RAD23B: variants seen among roughly 807,000 people sequenced by gnomAD.
The protein encoded by RAD23B is lysine-specific demethylase RAD23B.
RAD23B carries 5 observed loss-of-function variants against 49.1 expected under a neutral mutation model. The ratio of observed to expected loss-of-function variants is 0.10; its 90% CI spans 0.05 to 0.21. The LOEUF (loss-of-function observed/expected upper bound fraction) is 0.21. Among genes scored for constraint, RAD23B ranks in the 10% least tolerant of loss-of-function variants. The probability of loss-of-function intolerance (pLI) is 1.00; values close to 1 mark genes in which losing one functional copy is unlikely to be tolerated. For synonymous variants in RAD23B, 184 were observed against 165.4 expected (o/e 1.11, Z -0.86); for missense variants, 356 against 486.7 (o/e 0.73, Z 2.53).
In RAD23B at chr9:107,283,723, A is replaced by T. The variant is rs1005827442; in HGVS notation, c.66+28A>T. 1.3e-5 allele frequency: 18 copies of T among 1,420,236 alleles called. No homozygotes were observed. The African/African-American group carries it at 2.7e-4, about 21-fold the overall frequency. The allele number at this position is 1,420,236 out of a possible 1,614,324, so 88.0% of individuals were successfully genotyped here. A position where few individuals can be genotyped will look rare whatever the true frequency, so the allele number is the denominator to read the frequency against. ...ATGCGCGCGGGCCGGGGGCAGGGGC[A>T]GCCGCGTGCGGGCCGCGGGGAGCGC... On this transcript the variant is annotated intron_variant, in intron 1 of 9. Coordinates refer to ENST00000358015, the MANE Select transcript of RAD23B (RefSeq NM_002874.5).
At chr9:107,298,739 T>A (rs1826586905) in intron 1 of RAD23B, among the ~76,000 whole-genome samples, 1 of 151,694 alleles carries the variant, frequency 6.6e-6, no homozygotes, top group South Asian at 2.1e-4. Flanking sequence ...TTATACTTAC[T>A]TTTTTTGCAA....
Position 107,331,444 on chromosome 9 carries a change from C to T in RAD23B, c.*1788C>T, listed in dbSNP as rs1010320941. 28 of 422,204 alleles carry T rather than the reference C, an allele frequency of 6.6e-5. No homozygotes were observed. Among genetic ancestry groups the T allele is most frequent in the East Asian group, 3.4e-4 (9 of 26,864 alleles). The allele number at this position is 422,204 out of a possible 1,614,324, so 26.2% of individuals were successfully genotyped here. Reference sequence around the variant, plus strand: ...CTTGAACCCGGGAAGTGAAGGTTGCCGTGAGCTGAGATCACACCACTGCCA... The same window carrying T: ...CTTGAACCCGGGAAGTGAAGGTTGCTGTGAGCTGAGATCACACCACTGCCA... On this transcript the variant is annotated 3_prime_UTR_variant, in exon 10 of 10. Transcript: ENST00000358015.
At chr9:107,328,544 G>C (rs1368054957) in intron 9 of RAD23B, among the ~76,000 whole-genome samples, 5 of 152,158 alleles carry the variant, frequency 3.3e-5, no homozygotes, top group Non-Finnish European at 7.4e-5. Flanking sequence ...GCTCATATGA[G>C]AATCTAATGC....
At chr9:107,305,125 CA>C (rs752123015) in intron 3 of RAD23B, among the ~76,000 whole-genome samples, 8,992 of 136,300 alleles carry the variant, frequency 0.066, 370 homozygotes, top group South Asian at 0.13. Flanking sequence ...CTTGTCTCTA[CA>C]AAAAAAAAAA....
intron 5 of RAD23B, among the ~76,000 whole-genome samples, chr9:107,313,794 C>T (rs2133087039): frequency 6.6e-6 from 1 of 152,288 alleles, no homozygotes; most frequent in South Asian, 2.1e-4. Flanking sequence ...TTCTTGTTCA[C>T]TTCTTACTTG....
At chr9:107,287,194 A>G (rs192761836) in intron 1 of RAD23B, among the ~76,000 whole-genome samples, 1 of 151,268 alleles carries the variant, frequency 6.6e-6, no homozygotes, top group Non-Finnish European at 1.5e-5. Context: ...TGTTGCTTAA[A>G]AACATTAAGA....
chr9:107,311,845 C>A, intron 5 of RAD23B, 108 bp downstream of exon 5: 1 of 813,994 alleles, frequency 1.2e-6, no homozygotes, highest in Non-Finnish European at 1.9e-6. Context: ...TGTTTATAAT[C>A]AAGCTGTAAG....
Position 107,306,502 on chromosome 9 carries a change from G to T in RAD23B, c.352G>T (p.Ala118Ser). 3 of 1,614,034 alleles carry T rather than the reference G, an allele frequency of 1.9e-6. No homozygotes were observed. Among genetic ancestry groups the T allele is most frequent in the Non-Finnish European group, 2.5e-6 (3 of 1,180,010 alleles). ...AQAPTPVPAL[A>S]PTSTPASITP... ...GGCTCCAACCCCTGTCCCTGCCTTG[G>T]CCCCCACTTCCACACCTGCATCCAT... The change falls in exon 4 of 10, where the codon GCC becomes TCC. Residue 118 changes from alanine (A) to serine (S), a missense_variant. By Grantham distance (99) the Ala-to-Ser change is moderately conservative (BLOSUM62 1). Transcript: ENST00000358015.
At position 107,283,560 on chromosome 9, in the gene RAD23B, C is replaced by T; in HGVS notation, c.-70C>T. 1 of 1,280,592 alleles carries T rather than the reference C, an allele frequency of 7.8e-7. No individual in the cohort carries two copies. Among genetic ancestry groups the T allele is most frequent in the East Asian group, 3.2e-5 (1 of 31,396 alleles). 79.3% of individuals were successfully genotyped at this position (1,280,592 alleles called of 1,614,324 possible). A position where few individuals can be genotyped will look rare whatever the true frequency, so the allele number is the denominator to read the frequency against. Reference sequence around the variant, plus strand: ...GAGCGCGGGCGACCCCGGGGCCCCGCCAGGCCACAGACCCCGCCCAGCGGC... The same window carrying T: ...GAGCGCGGGCGACCCCGGGGCCCCGTCAGGCCACAGACCCCGCCCAGCGGC... On this transcript the variant is annotated 5_prime_UTR_variant, in exon 1 of 10. Coordinates refer to ENST00000358015, the MANE Select transcript of RAD23B (RefSeq NM_002874.5).
At chr9:107,306,108 A>G (rs55797242) in intron 3 of RAD23B, among the ~76,000 whole-genome samples, 2,642 of 128,950 alleles carry the variant, frequency 0.02, 91 homozygotes, top group African/African-American at 0.065. Flanking sequence ...TTTTTATTTT[A>G]TATTAACTTG....
In RAD23B at chr9:107,300,138, T is replaced by C. The variant is rs745308999; in HGVS notation, c.67-3T>C. ...CCAAAACAAATCTTTATTTTTCCTA[T>C]AGGTGAAAGCACTGAAAGAGAAGAT... On this transcript the variant is annotated splice_polypyrimidine_tract_variant and splice_region_variant and intron_variant, in intron 1 of 9. Coordinates refer to ENST00000358015, the MANE Select transcript of RAD23B (RefSeq NM_002874.5). The C allele has an allele frequency of 6.3e-6, 10 of 1,596,532 alleles. No individual in the cohort carries two copies. In the Admixed American group the frequency reaches 1.1e-4, roughly 17 times the overall value.
rs1402330918 is a variant in RAD23B at position 107,298,432 on chromosome 9, C to T, written c.67-1709C>T. Reference sequence around the variant, plus strand: ...AAATGATTCTTGTACCTCGTCCTCCCAAGTAGCTGGGATTACAGGCATTTA... The same window carrying T: ...AAATGATTCTTGTACCTCGTCCTCCTAAGTAGCTGGGATTACAGGCATTTA... On this transcript the variant is annotated intron_variant, in intron 1 of 9. Coordinates refer to ENST00000358015, the MANE Select transcript of RAD23B (RefSeq NM_002874.5). 3.4e-5 allele frequency among the ~76,000 whole-genome samples: 5 copies of T among 148,898 alleles called. No individual in the cohort carries two copies. In the East Asian group the frequency reaches 9.9e-4, roughly 29 times the overall value.
At chr9:107,284,639 A>G (rs1417582960) in intron 1 of RAD23B, 2 of 878,436 alleles carry the variant, frequency 2.3e-6, no homozygotes, top group African/African-American at 3.5e-5. Context: ...AGAATCTAAA[A>G]ACGCTGTGAG....
At chr9:107,293,380 T>A (rs1343538441) in intron 1 of RAD23B, among the ~76,000 whole-genome samples, 1 of 152,200 alleles carries the variant, frequency 6.6e-6, no homozygotes, top group African/African-American at 2.4e-5. Context: ...TACTACAACC[T>A]CATAGAGATG....
intron 7 of RAD23B, 108 bp downstream of exon 7, chr9:107,322,226 T>TA (rs768498221): frequency 3.0e-6 from 4 of 1,319,932 alleles, no homozygotes; most frequent in East Asian, 2.5e-5. Context: ...AGCAGTCGAA[T>TA]AATTCGTTAA....
intron 1 of RAD23B, among the ~76,000 whole-genome samples, chr9:107,297,584 C>G (rs1826554107): frequency 6.6e-6 from 1 of 152,186 alleles, no homozygotes; most frequent in African/African-American, 2.4e-5. Context: ...GGTGATCCGT[C>G]TGCCTTGGCC....
At position 107,318,796 on chromosome 9, in the gene RAD23B, A is replaced by G. The variant is rs755295616; in HGVS notation, c.598A>G (p.Met200Val). 2 of 1,613,708 alleles carry G rather than the reference A, an allele frequency of 1.2e-6. No homozygotes were observed. Among genetic ancestry groups the G allele is most frequent in the South Asian group, 1.1e-5 (1 of 91,076 alleles). The change falls in exon 6 of 10, where the codon ATG (methionine) becomes GTG (valine). Residue 200 changes from methionine (M) to valine (V), a missense_variant. Physicochemically the swap from Met to Val is conservative, Grantham distance 21. Coordinates refer to ENST00000358015, the MANE Select transcript of RAD23B (RefSeq NM_002874.5). The surrounding 1 kb of genome is among the most constrained non-coding windows in gnomAD (Gnocchi z 4.3). ...YENMVTEIMSMGYEREQVIAA... is the reference protein window; with the variant it reads ...YENMVTEIMSVGYEREQVIAA... ...GAATATGGTAACTGAGATCATGTCAATGGGCTATGAACGAGAGCAAGTAAT... is the reference window on the plus strand; with the variant it reads ...GAATATGGTAACTGAGATCATGTCAGTGGGCTATGAACGAGAGCAAGTAAT...
intron 1 of RAD23B, among the ~76,000 whole-genome samples, chr9:107,292,851 A>AAG (rs1433172091): frequency 4.6e-5 from 7 of 152,158 alleles, no homozygotes; most frequent in African/African-American, 1.7e-4. Flanking sequence ...CCATTAGAAA[A>AAG]AGAGGATAAT....
intron 4 of RAD23B, 41 bp downstream of exon 4, chr9:107,306,688 G>A (rs775954863): frequency 6.4e-7 from 1 of 1,570,062 alleles, no homozygotes; most frequent in East Asian, 2.3e-5. Context: ...CAAAATCCGT[G>A]TTTAACAGGA....
Sources: allele counts gnomAD v4.1 joint callset (sites outside exome capture counted in the v4.1 genomes callset), GRCh38; gene constraint gnomAD v4.1.1; non-coding constraint Gnocchi (gnomAD v3.1); transcripts MANE v1.5; gene names NCBI Gene and HGNC (gene_info 2026-07-23, HGNC 2026-07-21).